Variants in AHCTF1 observed in about 807,000 individuals in gnomAD.
The protein encoded by AHCTF1 is protein ELYS.
In AHCTF1, 24 loss-of-function variants were observed where a neutral mutation model predicts 248.4. The ratio of observed to expected loss-of-function variants is 0.10; its 90% confidence interval spans 0.07 to 0.14. AHCTF1 has a LOEUF of 0.14. Ranked by LOEUF, AHCTF1 falls within the 10% of genes least tolerant of loss-of-function variation. The probability of loss-of-function intolerance (pLI) is 1.00; values close to 1 mark genes in which losing one functional copy is unlikely to be tolerated. For missense variants in AHCTF1, 2,206 were observed against 2,636.2 expected (o/e 0.84, Z 3.57); for synonymous variants, 786 against 929.8 (o/e 0.85, Z 2.81).
intron 1 of AHCTF1, among the ~76,000 whole-genome samples, chr1:246,921,900 A>C (rs1666572873): frequency 6.6e-6 from 1 of 152,248 alleles, no homozygotes; most frequent in Admixed American, 6.5e-5. Flanking sequence ...AGCAAGAATG[A>C]TGATGTCAAA....
chr1:246,842,931 C>G (rs1659986803), intron 34 of AHCTF1, among the ~76,000 whole-genome samples, 155 bp from the exon 35 acceptor site: 1 of 152,114 alleles, frequency 6.6e-6, no homozygotes, highest in Admixed American at 6.6e-5. Context: ...TAGTAGAAAC[C>G]TTAGTTATGC....
In AHCTF1 at chr1:246,842,696, G is replaced by A. The variant is rs776665163; in HGVS notation, c.6606C>T (p.Ser2202=). The A allele has an allele frequency of 6.2e-7, 1 of 1,612,918 alleles. No homozygotes were observed. Among genetic ancestry groups the A allele is most frequent in the Non-Finnish European group, 8.5e-7 (1 of 1,179,794 alleles). ...AAGAACAGAACAGAAAGTCATACTT[G>A]CTTGCTTGTTTTGTTTTTGACGTCC... ...RIRTSKTKQA[S]KNTEKESAWS... is the part of the protein sequence containing the mutation. The change falls in exon 35 of 36, where the codon AGC becomes AGT. Residue 2202 remains serine (S), a splice_region_variant and synonymous_variant. Coordinates refer to ENST00000648844, the MANE Select transcript of AHCTF1 (RefSeq NM_001323342.2).
At position 246,861,359 on chromosome 1, in the gene AHCTF1, C is replaced by T. The variant is rs532236432; in HGVS notation, c.3736-64G>A. ...TATCACAGTTAAGTCTAGTCCTAAG[C>T]TACCCATCCCAATCATACCCATACT... On this transcript the variant is annotated intron_variant, in intron 28 of 35. Coordinates refer to ENST00000648844, the MANE Select transcript of AHCTF1 (RefSeq NM_001323342.2). The T allele has an allele frequency of 8.0e-6, 11 of 1,372,034 alleles. No homozygotes were observed. In the South Asian group the frequency reaches 1.0e-4, roughly 13 times the overall value. 85.0% of individuals were successfully genotyped at this position (1,372,034 alleles called of 1,614,324 possible). A position where few individuals can be genotyped will look rare whatever the true frequency, so the allele number is the denominator to read the frequency against.
In AHCTF1 at chr1:246,872,291, C is replaced by T. The variant is rs553589400; in HGVS notation, c.3088+3746G>A. On this transcript the variant is annotated intron_variant, in intron 24 of 35. Coordinates refer to ENST00000648844, the MANE Select transcript of AHCTF1 (RefSeq NM_001323342.2). Reference sequence around the variant, plus strand: ...TGTGACTCCACTAACCCAAGCTGTCCAGCTGGGGTGGCACGCCAGGAAAAG... The same window carrying T: ...TGTGACTCCACTAACCCAAGCTGTCTAGCTGGGGTGGCACGCCAGGAAAAG... Among the ~76,000 whole-genome samples, 30 of 152,192 alleles carry T rather than the reference C, an allele frequency of 2.0e-4. No individual in the cohort carries two copies. In the South Asian group the frequency reaches 6.2e-3, roughly 32 times the overall value.
intron 1 of AHCTF1, among the ~76,000 whole-genome samples, chr1:246,927,859 T>A (rs887163802): frequency 1.4e-5 from 2 of 140,974 alleles, no homozygotes; most frequent in Non-Finnish European, 3.1e-5. Flanking sequence ...AAAAATTAGC[T>A]GGGCGCGGTA....
At chr1:246,898,663 CAG>C (rs1664776888) in intron 11 of AHCTF1, among the ~76,000 whole-genome samples, 1 of 138,468 alleles carries the variant, frequency 7.2e-6, no homozygotes, top group Non-Finnish European at 1.5e-5. Flanking sequence ...CACACACACA[CAG>C]GAAAACTCCT....
In AHCTF1 at chr1:246,931,382, C is replaced by T; in HGVS notation, c.-8+196G>A. The T allele has an allele frequency of 2.0e-6, 3 of 1,512,186 alleles. No homozygotes were observed. In the South Asian group the frequency reaches 3.8e-5, roughly 19 times the overall value. 93.7% of individuals were successfully genotyped at this position (1,512,186 alleles called of 1,614,324 possible). A position where few individuals can be genotyped will look rare whatever the true frequency, so the allele number is the denominator to read the frequency against. On this transcript the variant is annotated intron_variant, in intron 1 of 35. Transcript: ENST00000648844. ...GTAACGAAGCCCGGCGCCCGCGAGC[C>T]TGCCGTACCCGCCACCGCCACCGCT... is the stretch of plus-strand genomic sequence containing the variant.
At chr1:246,841,796 TTATC>T (rs1264211796) in intron 35 of AHCTF1, among the ~76,000 whole-genome samples, 1 of 152,010 alleles carries the variant, frequency 6.6e-6, no homozygotes, top group African/African-American at 2.4e-5. Context: ...TTATTTTTAT[TTATC>T]TATTTTTTTG....
chr1:246,845,273 A>G (rs958742536), intron 33 of AHCTF1, among the ~76,000 whole-genome samples: 1 of 152,156 alleles, frequency 6.6e-6, no homozygotes, highest in African/African-American at 2.4e-5. Flanking sequence ...AGGTGTATAT[A>G]TAAAAATGTT....
chr1:246,867,211 T>C, intron 26 of AHCTF1, 33 bp downstream of exon 26: 1 of 1,194,472 alleles, frequency 8.4e-7, no homozygotes, highest in Admixed American at 2.1e-5. Context: ...CATCTAACAT[T>C]GTGTCTCTAA....
At chr1:246,849,554 C>T in intron 33 of AHCTF1, 61 bp downstream of exon 33, 1 of 1,523,402 alleles carries the variant, frequency 6.6e-7, no homozygotes. Flanking sequence ...GGACAAATAA[C>T]CAAATTTTAA....
rs944672170 is a variant in AHCTF1 at position 246,920,762 on chromosome 1, A to C, written c.-7-2385T>G. ...TCCAGCCTGGGTGACAGAGCAAAACACTGTCTCAAAAAAAAAAAAAAAATT... is the reference window on the plus strand; with the variant it reads ...TCCAGCCTGGGTGACAGAGCAAAACCCTGTCTCAAAAAAAAAAAAAAAATT... On this transcript the variant is annotated intron_variant, in intron 1 of 35. Coordinates refer to ENST00000648844, the MANE Select transcript of AHCTF1 (RefSeq NM_001323342.2). 2.8e-5 allele frequency among the ~76,000 whole-genome samples: 4 copies of C among 140,796 alleles called. No homozygotes were observed. The Admixed American group carries it at 2.9e-4, about 10-fold the overall frequency. The allele number at this position is 140,796 out of a possible 152,430, so 92.4% of individuals were successfully genotyped here.
At chr1:246,887,507 T>C in intron 19 of AHCTF1, 150 bp from the exon 20 acceptor site, 1 of 757,218 alleles carries the variant, frequency 1.3e-6, no homozygotes, top group Non-Finnish European at 2.1e-6. Context: ...GAGTCAGCAA[T>C]GAGAAGATAG....
chr1:246,918,704 T>C (rs1418232517), intron 1 of AHCTF1, among the ~76,000 whole-genome samples: 1 of 152,248 alleles, frequency 6.6e-6, no homozygotes, highest in African/African-American at 2.4e-5. Context: ...CAAGGTATTC[T>C]ACTGTCTCCT....
In AHCTF1 at chr1:246,871,709, A is replaced by AT. The variant is rs200325446; in HGVS notation, c.3089-3899dup. 2.3e-3 allele frequency among the ~76,000 whole-genome samples: 346 copies of AT among 151,292 alleles called. 1 individual carries two copies. Among genetic ancestry groups the AT allele is most frequent in the African/African-American group, 5.8e-3 (238 of 41,298 alleles). On this transcript the variant is annotated intron_variant, in intron 24 of 35. Transcript: ENST00000648844. ...TCTCTGTAATCCATGCCTACAGTGC[A>AT]TTTTTTTTTGAGGCCTCCTGACTGC...
chr1:246,859,573 A>T (rs1661371974), intron 29 of AHCTF1, among the ~76,000 whole-genome samples: 2 of 151,890 alleles, frequency 1.3e-5, no homozygotes, highest in South Asian at 4.2e-4. Flanking sequence ...CTAAAATAAT[A>T]TTTTTTTTCT....
chr1:246,863,169 CAA>C (rs1297658546), intron 27 of AHCTF1, among the ~76,000 whole-genome samples: 5 of 152,050 alleles, frequency 3.3e-5, no homozygotes, highest in Non-Finnish European at 7.4e-5. Flanking sequence ...CTAATCTTTT[CAA>C]CTTATTTTAA....
At chr1:246,908,401 T>C (rs372323719) in intron 4 of AHCTF1, among the ~76,000 whole-genome samples, 18 of 151,246 alleles carry the variant, frequency 1.2e-4, no homozygotes, top group African/African-American at 2.2e-4. Flanking sequence ...TATTGAACAA[T>C]TGGAGTAACT....
intron 25 of AHCTF1, 87 bp from the exon 26 acceptor site, chr1:246,867,438 C>A: frequency 3.9e-6 from 4 of 1,036,778 alleles, no homozygotes; most frequent in Non-Finnish European, 5.6e-6. Context: ...GGTTTTCATT[C>A]GTTTTACTTT....
Sources: allele counts gnomAD v4.1 joint callset (sites outside exome capture counted in the v4.1 genomes callset), GRCh38; gene constraint gnomAD v4.1.1; transcripts MANE v1.5; gene names NCBI Gene and HGNC (gene_info 2026-07-23, HGNC 2026-07-21).